UNC13B: variants seen among roughly 807,000 people sequenced by gnomAD.
The protein encoded by UNC13B is protein unc-13 homolog B.
A neutral mutation model predicts 211.0 loss-of-function variants in UNC13B; 144 were observed. The observed-to-expected ratio is 0.68, with a 90% confidence interval of 0.60 to 0.78. The LOEUF is 0.78. Ranked by LOEUF, UNC13B falls within the 30% of genes least tolerant of loss-of-function variation. The probability of loss-of-function intolerance (pLI) is 0.00; values close to 1 mark genes in which losing one functional copy is unlikely to be tolerated. For missense variants in UNC13B, 1,777 were observed against 2,002.0 expected (o/e 0.89, Z 2.14); for synonymous variants, 709 against 725.8 (o/e 0.98, Z 0.37).
chr9:35,375,022 C>A, intron 13 of UNC13B, 105 bp from the exon 14 acceptor site: 2 of 1,090,634 alleles, frequency 1.8e-6, no homozygotes, highest in South Asian at 1.3e-5. Context: ...ATAGAAAGTA[C>A]TGTAGTAAGC....
At chr9:35,309,406 A>T (rs1468959561) in intron 9 of UNC13B, among the ~76,000 whole-genome samples, 1 of 152,180 alleles carries the variant, frequency 6.6e-6, no homozygotes, top group African/African-American at 2.4e-5. Context: ...GGAAAATCCC[A>T]TTGGAAAATA....
chr9:35,353,046 A>G (rs1179090810), intron 11 of UNC13B: 28 of 1,232,080 alleles, frequency 2.3e-5, no homozygotes, highest in Middle Eastern at 6.2e-4. Flanking sequence ...AAGGAACTAG[A>G]GGACCTTTTG....
intron 22 of UNC13B, chr9:35,385,495 T>C (rs1338750752): frequency 1.0e-6 from 1 of 985,292 alleles, no homozygotes; most frequent in African/African-American, 1.7e-5. Context: ...TGGAGGAGGA[T>C]GTGTCACTTT....
intron 1 of UNC13B, among the ~76,000 whole-genome samples, chr9:35,174,448 C>T (rs1189775948): frequency 6.6e-6 from 1 of 152,100 alleles, no homozygotes; most frequent in Non-Finnish European, 1.5e-5. Context: ...CCTCAGACTC[C>T]CAAGTAACTG....
At chr9:35,201,016 A>G (rs1823252244) in intron 1 of UNC13B, among the ~76,000 whole-genome samples, 1 of 152,102 alleles carries the variant, frequency 6.6e-6, no homozygotes, top group Non-Finnish European at 1.5e-5. Flanking sequence ...TCCCATCAGT[A>G]CCTAATTTAT....
At chr9:35,200,650 G>A (rs1210032408) in intron 1 of UNC13B, among the ~76,000 whole-genome samples, 1 of 152,178 alleles carries the variant, frequency 6.6e-6, no homozygotes, top group Non-Finnish European at 1.5e-5. Flanking sequence ...TGTTATTGGT[G>A]TATAGGAATG....
At chr9:35,232,285 A>T (rs1825263833) in intron 3 of UNC13B, among the ~76,000 whole-genome samples, 2 of 145,850 alleles carry the variant, frequency 1.4e-5, no homozygotes, top group African/African-American at 5.1e-5. Context: ...GGCTTGAGCG[A>T]TCTTCTTGCC....
intron 1 of UNC13B, among the ~76,000 whole-genome samples, chr9:35,218,667 G>T (rs2131447782): frequency 6.6e-6 from 1 of 152,052 alleles, no homozygotes; most frequent in East Asian, 1.9e-4. Flanking sequence ...AAAGTATTGG[G>T]ATTATAGCCG....
At chr9:35,228,088 G>C in intron 2 of UNC13B, 44 bp downstream of exon 2, 2 of 1,541,132 alleles carry the variant, frequency 1.3e-6, no homozygotes, top group Non-Finnish European at 8.8e-7. Flanking sequence ...TGTATTTGCT[G>C]TTATTTCAAA....
intron 1 of UNC13B, among the ~76,000 whole-genome samples, chr9:35,179,530 C>A (rs10972372): frequency 0.13 from 20,144 of 152,108 alleles, 1,664 homozygotes; most frequent in Admixed American, 0.24. Flanking sequence ...GTGGCTCGCT[C>A]CTGTAATCCC....
chr9:35,371,349 C>CA (rs1554710899), intron 13 of UNC13B, among the ~76,000 whole-genome samples: 7 of 138,834 alleles, frequency 5.0e-5, no homozygotes, highest in Non-Finnish European at 7.8e-5. Context: ...TTCTTTCTTT[C>CA]TTTTTTTTTT....
chr9:35,255,873 GA>G (rs1826852744), intron 6 of UNC13B, among the ~76,000 whole-genome samples: 2 of 152,296 alleles, frequency 1.3e-5, no homozygotes, highest in Admixed American at 1.3e-4. Context: ...CCCCGGGCAA[GA>G]AGGGGGTCTT....
chr9:35,206,508 C>T (rs1040834091), intron 1 of UNC13B, among the ~76,000 whole-genome samples: 2 of 152,048 alleles, frequency 1.3e-5, no homozygotes, highest in African/African-American at 4.8e-5. Flanking sequence ...TTTAACTTAG[C>T]ATAATTTTTT....
rs1415156459 is a variant in UNC13B, at chr9:35,319,299, A to T, written c.9414+5310A>T. 6.3e-5 allele frequency among the ~76,000 whole-genome samples: 9 copies of T among 143,768 alleles called. No individual in the cohort carries two copies. The East Asian group carries it at 2.1e-3, about 33-fold the overall frequency. 94.3% of individuals were successfully genotyped at this position (143,768 alleles called of 152,430 possible). ...ATACCTGTAATCCCAGCTACTTGGG[A>T]GGCTGAGGCAGGAGAATTGCCTGAA... On this transcript the variant is annotated intron_variant, in intron 11 of 39. Coordinates refer to ENST00000635942, the MANE Select transcript of UNC13B (RefSeq NM_001371189.2).
At chr9:35,252,246 T>TC in intron 6 of UNC13B, among the ~76,000 whole-genome samples, 1 of 152,356 alleles carries the variant, frequency 6.6e-6, no homozygotes, top group South Asian at 2.1e-4. Flanking sequence ...TATGATGTTT[T>TC]CCCATCAGCC....
chr9:35,273,016 T>A (rs1443375360), intron 7 of UNC13B, among the ~76,000 whole-genome samples: 1 of 152,270 alleles, frequency 6.6e-6, no homozygotes, highest in Non-Finnish European at 1.5e-5. Context: ...TTTGTTTCAC[T>A]GGTTTTCTTA....
intron 6 of UNC13B, among the ~76,000 whole-genome samples, chr9:35,255,168 G>A (rs1044895578): frequency 6.9e-5 from 10 of 144,320 alleles, no homozygotes; most frequent in Non-Finnish European, 1.0e-4. Flanking sequence ...CCAGTGATCC[G>A]CCTGCCTTGG....
At chr9:35,394,837 C>T (rs1292762305) in intron 26 of UNC13B, among the ~76,000 whole-genome samples, 3 of 152,064 alleles carry the variant, frequency 2.0e-5, no homozygotes, top group Admixed American at 6.5e-5. Context: ...AAAGTGTGAC[C>T]GGTGTTTCAG....
intron 11 of UNC13B, among the ~76,000 whole-genome samples, chr9:35,317,602 A>T (rs1294623817): frequency 6.9e-6 from 1 of 145,038 alleles, no homozygotes; most frequent in Non-Finnish European, 1.5e-5. Flanking sequence ...GGCTGATTGT[A>T]ATCTCCGCCT....
Sources: allele counts gnomAD v4.1 joint callset (sites outside exome capture counted in the v4.1 genomes callset), GRCh38; gene constraint gnomAD v4.1.1; transcripts MANE v1.5; gene names NCBI Gene and HGNC (gene_info 2026-07-23, HGNC 2026-07-21).